HMGA2: variants seen among roughly 807,000 people sequenced by gnomAD.
HMGA2 encodes the protein high mobility group AT-hook 2, also known as high mobility group protein HMGI-C.
A neutral mutation model predicts 19.1 loss-of-function variants in HMGA2; 8 were observed. The ratio of observed to expected loss-of-function variants is 0.42; its 90% CI spans 0.25 to 0.76. The LOEUF is 0.76. Among genes scored for constraint, HMGA2 ranks in the 30% least tolerant of loss-of-function variants. HMGA2 has a pLI of 0.28. For missense variants in HMGA2, 109 were observed against 136.3 expected (o/e 0.80, Z 1.00); for synonymous variants, 60 against 48.8 (o/e 1.23, Z -0.96).
At chr12:65,827,534 G>T (rs1667950049) in intron 1 of HMGA2, among the ~76,000 whole-genome samples, 1 of 146,132 alleles carries the variant, frequency 6.8e-6, no homozygotes, top group African/African-American at 2.7e-5. Context: ...GGTATACAAA[G>T]ATGATTAAAG....
chr12:65,961,444 C>A (rs962950637), intron 4 of HMGA2, among the ~76,000 whole-genome samples: 4 of 152,072 alleles, frequency 2.6e-5, no homozygotes, highest in Admixed American at 2.0e-4. Flanking sequence ...GAGGTATAAA[C>A]CTGCTGCTTA....
At chr12:65,918,385 TAGGA>T (rs1875184209) in intron 3 of HMGA2, among the ~76,000 whole-genome samples, 1 of 152,144 alleles carries the variant, frequency 6.6e-6, no homozygotes, top group Admixed American at 6.5e-5. Context: ...GATGTGCACA[TAGGA>T]AATGTAAGCA....
chr12:65,853,258 T>G (rs1460895555), intron 3 of HMGA2, among the ~76,000 whole-genome samples: 1 of 152,182 alleles, frequency 6.6e-6, no homozygotes, highest in African/African-American at 2.4e-5. Flanking sequence ...AAATGAATAC[T>G]TACATGTGAT....
chr12:65,904,273 G>A (rs765739450), intron 3 of HMGA2, among the ~76,000 whole-genome samples: 9 of 152,290 alleles, frequency 5.9e-5, no homozygotes, highest in East Asian at 1.9e-4. Context: ...CCAAAGCACC[G>A]CAGTCACCCA....
intron 3 of HMGA2, among the ~76,000 whole-genome samples, chr12:65,888,551 G>GCTAA (rs1873759762): frequency 1.8e-5 from 2 of 112,056 alleles, no homozygotes; most frequent in South Asian, 3.0e-4. Context: ...CCCGTGGTGT[G>GCTAA]CTCTTTTTTT....
At chr12:65,904,367 C>T (rs1055133296) in intron 3 of HMGA2, among the ~76,000 whole-genome samples, 21 of 152,210 alleles carry the variant, frequency 1.4e-4, no homozygotes, top group African/African-American at 4.6e-4. Flanking sequence ...TGAAGCACTA[C>T]ACAATTATCA....
At chr12:65,961,837 C>T (rs1457273116) in intron 4 of HMGA2, among the ~76,000 whole-genome samples, 2 of 151,850 alleles carry the variant, frequency 1.3e-5, no homozygotes, top group Non-Finnish European at 1.5e-5. Context: ...GCTGCTTTTA[C>T]GCAAAAGCAT....
intron 3 of HMGA2, among the ~76,000 whole-genome samples, chr12:65,910,931 A>G (rs1215629282): frequency 5.3e-5 from 8 of 152,188 alleles, no homozygotes; most frequent in Non-Finnish European, 2.9e-5. Flanking sequence ...TAGTCACTGA[A>G]TGCCAGTGGT....
At chr12:65,914,975 T>C (rs2121224804) in intron 3 of HMGA2, 3 of 1,587,054 alleles carry the variant, frequency 1.9e-6, no homozygotes, top group Admixed American at 3.4e-5. Flanking sequence ...GTGCCTGGTC[T>C]AAAAAATGTC....
chr12:65,824,713 TTCTCTCTCTCTCTCTCTCTCTCTCTCTC>T lies in HMGA2; in HGVS notation c.-529_-502del, dbSNP rs60786450. The stretch of plus-strand genomic sequence containing the variant: ...CCAAGGCACTTTCAATCTCAATCTC[TTCTCTCTCTCTCTCTCTCTCTCTCTCTC>T]TCTCTCTCTCTCTCTCTCTCTCTCT... On this transcript the variant is annotated 5_prime_UTR_variant, in exon 1 of 5. Transcript: ENST00000403681. The T allele has an allele frequency of 4.8e-5, 7 of 145,142 alleles. No homozygotes were observed. The highest frequency in any genetic ancestry group is 1.0e-4 in the African/African-American group (3 of 29,328). The allele number at this position is 145,142 out of a possible 1,614,324, so 9.0% of individuals were successfully genotyped here.
At chr12:65,857,809 C>A (rs1871821844) in intron 3 of HMGA2, 1 of 152,208 alleles carries the variant, frequency 6.6e-6, no homozygotes, top group South Asian at 2.1e-4. Context: ...TTCAAATATA[C>A]CTCTTCCCAT....
intron 3 of HMGA2, among the ~76,000 whole-genome samples, chr12:65,890,960 AC>A (rs1438283698): frequency 6.6e-6 from 1 of 151,960 alleles, no homozygotes; most frequent in East Asian, 1.9e-4. Context: ...CGAACTCCTG[AC>A]CTCAAGTGAT....
At chr12:65,893,185 C>G (rs778748959) in intron 3 of HMGA2, among the ~76,000 whole-genome samples, 2 of 152,130 alleles carry the variant, frequency 1.3e-5, no homozygotes, top group Non-Finnish European at 2.9e-5. Context: ...CAGCTCAACT[C>G]TCGAATTGCT....
chr12:65,911,842 C>G (rs1874858410), intron 3 of HMGA2, among the ~76,000 whole-genome samples: 2 of 152,136 alleles, frequency 1.3e-5, no homozygotes. Context: ...TGTTGAATCT[C>G]CAAGATGTGG....
At chr12:65,849,518 A>T (rs1871363411) in intron 3 of HMGA2, among the ~76,000 whole-genome samples, 2 of 152,324 alleles carry the variant, frequency 1.3e-5, no homozygotes, top group African/African-American at 4.8e-5. Flanking sequence ...CAAATCAATA[A>T]ATAAATCCCT....
In HMGA2 at chr12:65,963,786, T is replaced by A. The variant is rs188200042; in HGVS notation, c.*494T>A. On this transcript the variant is annotated 3_prime_UTR_variant, in exon 5 of 5. Coordinates refer to ENST00000403681, the MANE Select transcript of HMGA2 (RefSeq NM_003483.6). ...ACCCCAACCCACTCCCTGTAGTGAA[T>A]CCTCTGTTTAGAACACCAAAGATAA... is the stretch of plus-strand genomic sequence containing the variant. 1.6e-5 allele frequency: 4 copies of A among 242,724 alleles called. No individual in the cohort carries two copies. The East Asian group carries it at 1.9e-4, about 12-fold the overall frequency. 15.0% of individuals were successfully genotyped at this position (242,724 alleles called of 1,614,324 possible). A position where few individuals can be genotyped will look rare whatever the true frequency, so the allele number is the denominator to read the frequency against.
chr12:65,851,213 C>T (rs1227116157), intron 3 of HMGA2: 1 of 153,080 alleles, frequency 6.5e-6, no homozygotes, highest in Admixed American at 6.5e-5. Context: ...CTAGTAAATG[C>T]TCAAAATACC....
chr12:65,842,254 G>C, intron 3 of HMGA2: 1 of 563,758 alleles, frequency 1.8e-6, no homozygotes, highest in South Asian at 1.5e-5. Flanking sequence ...ATCTGCAAAA[G>C]GTATATTTCT....
chr12:65,856,210 T>G (rs1174462283), intron 3 of HMGA2: 1 of 152,200 alleles, frequency 6.6e-6, no homozygotes, highest in Non-Finnish European at 1.5e-5. Context: ...TTCTGTTTCC[T>G]GTGTCCTGCT....
Sources: allele counts gnomAD v4.1 joint callset (sites outside exome capture counted in the v4.1 genomes callset), GRCh38; gene constraint gnomAD v4.1.1; transcripts MANE v1.5; gene names NCBI Gene and HGNC (gene_info 2026-07-23, HGNC 2026-07-21).